Variants in ADGRE5 observed in about 807,000 individuals in gnomAD.
ADGRE5 encodes the protein adhesion G protein-coupled receptor E5.
A neutral mutation model predicts 100.3 loss-of-function variants in ADGRE5; 72 were observed. The observed-to-expected ratio is 0.72, with a 90% CI of 0.59 to 0.87. The LOEUF (loss-of-function observed/expected upper bound fraction) is 0.87, where lower values mean the gene tolerates loss of function less well. Ranked by LOEUF, ADGRE5 falls within the 40% of genes least tolerant of loss-of-function variation. The pLI is 0.00. For synonymous variants in ADGRE5, 439 were observed against 447.8 expected (o/e 0.98, Z 0.25); for missense variants, 959 against 1,094.7 (o/e 0.88, Z 1.75).
intron 3 of ADGRE5, 73 bp from the exon 4 acceptor site, chr19:14,390,851 G>A (rs1975575699): frequency 2.6e-6 from 4 of 1,562,898 alleles, no homozygotes; most frequent in Non-Finnish European, 2.6e-6. Flanking sequence ...ATGTTGGGGA[G>A]TCAGGATGGG....
chr19:14,405,496 C>A, intron 13 of ADGRE5: 2 of 474,936 alleles, frequency 4.2e-6, no homozygotes. Context: ...TTAAGCTGGG[C>A]CTTGTCGAAA....
chr19:14,391,152 CCAGAGAG>C, intron 4 of ADGRE5, 73 bp downstream of exon 4: 1 of 1,595,422 alleles, frequency 6.3e-7, no homozygotes, highest in Non-Finnish European at 8.6e-7. Context: ...CTGGCAGCAT[CCAGAGAG>C]CAGGGCCTTG....
Position 14,408,399 on chromosome 19 carries a change from A to G in ADGRE5, c.*278A>G. ...GGCTGGCCCAGGGCTGCAATGCAGC[A>G]TGTTGCCCTGGCACCTGTGGCCAGT... On this transcript the variant is annotated 3_prime_UTR_variant, in exon 20 of 20. Coordinates refer to ENST00000242786, the MANE Select transcript of ADGRE5 (RefSeq NM_078481.4). The G allele has an allele frequency of 1.7e-6, 1 of 596,610 alleles. No homozygotes were observed. Among genetic ancestry groups the G allele is most frequent in the South Asian group, 2.0e-5 (1 of 50,784 alleles). 37.0% of individuals were successfully genotyped at this position (596,610 alleles called of 1,614,324 possible). A position where few individuals can be genotyped will look rare whatever the true frequency, so the allele number is the denominator to read the frequency against.
intron 18 of ADGRE5, 82 bp from the exon 19 acceptor site, chr19:14,407,826 T>G: frequency 8.6e-7 from 1 of 1,166,604 alleles, no homozygotes; most frequent in Non-Finnish European, 1.3e-6. Context: ...ACCAAGAAGG[T>G]GGGGCTGAGG....
At chr19:14,396,740 T>A (rs942262752) in intron 5 of ADGRE5, among the ~76,000 whole-genome samples, 1 of 152,166 alleles carries the variant, frequency 6.6e-6, no homozygotes, top group Non-Finnish European at 1.5e-5. Context: ...GAAGAAGGTG[T>A]CACTTCCAGT....
rs971847318 is a variant in ADGRE5 at position 14,388,776 on chromosome 19, TC to T, written c.149del (p.Ser50PhefsTer112). ...CTGTCGCTGCAATCCAGGGTTCAGC[TC>T]TTTTTCTGAGATCATCACCACCCCG... ...TACRCNPGFS[S>X]FSEIITTPTE... is the part of the protein sequence containing the mutation. On this transcript the variant is annotated frameshift_variant, in exon 3 of 20. Transcript: ENST00000242786. LOFTEE classifies it high-confidence loss of function. 6.2e-7 allele frequency: 1 copy of T among 1,613,780 alleles called. No homozygotes were observed. Among genetic ancestry groups the T allele is most frequent in the Non-Finnish European group, 8.5e-7 (1 of 1,180,004 alleles).
chr19:14,400,979 C>G (rs1975985003), intron 9 of ADGRE5, among the ~76,000 whole-genome samples: 1 of 151,934 alleles, frequency 6.6e-6, no homozygotes, highest in Admixed American at 6.6e-5. Flanking sequence ...CAAAAATTAG[C>G]CGGGTGTGGT....
At chr19:14,382,608 A>G (rs1486397701) in intron 1 of ADGRE5, among the ~76,000 whole-genome samples, 1 of 152,136 alleles carries the variant, frequency 6.6e-6, no homozygotes, top group Non-Finnish European at 1.5e-5. Flanking sequence ...CACACCTGCA[A>G]TCCCAGCACT....
chr19:14,404,732 T>C (rs1432490199), intron 13 of ADGRE5, 170 bp downstream of exon 13: 2 of 611,094 alleles, frequency 3.3e-6, no homozygotes, highest in South Asian at 2.1e-5. Context: ...CTTTGGCCTC[T>C]TCTCTACAAC....
At position 14,405,786 on chromosome 19, in the gene ADGRE5, G is replaced by A. The variant is rs756633431; in HGVS notation, c.1668G>A (p.Ala556=). The change falls in exon 14 of 20, where the codon GCG becomes GCA. Residue 556 remains alanine, a synonymous_variant. Transcript: ENST00000242786. ...CCCTGATCACCAGGGTGGGACTGGC[G>A]CTGTCACTCTTCTGCCTGCTGCTGT... ...KLTLITRVGL[A]LSLFCLLLCI... is the part of the protein sequence containing the mutation. 3.1e-6 allele frequency: 5 copies of A among 1,613,774 alleles called. No individual in the cohort carries two copies. The highest frequency in any genetic ancestry group is 4.5e-5 in the East Asian group (2 of 44,876).
chr19:14,406,005 C>A lies in ADGRE5; in HGVS notation c.1821+66C>A. The A allele has an allele frequency of 7.1e-7, 1 of 1,403,364 alleles. No homozygotes were observed. The allele number at this position is 1,403,364 out of a possible 1,614,324, so 86.9% of individuals were successfully genotyped here. A position where few individuals can be genotyped will look rare whatever the true frequency, so the allele number is the denominator to read the frequency against. ...GGAGGCCTGGGAGGGGTTAGCCCCG[C>A]CCACTCCCGGGGCTCAGTCGGGTAG... On this transcript the variant is annotated intron_variant, in intron 14 of 19. Coordinates refer to ENST00000242786, the MANE Select transcript of ADGRE5 (RefSeq NM_078481.4). The surrounding 1 kb of genome is among the most constrained non-coding windows in gnomAD (Gnocchi z 6.0).
At chr19:14,385,080 A>G (rs1599608252) in intron 1 of ADGRE5, among the ~76,000 whole-genome samples, 1 of 126,168 alleles carries the variant, frequency 7.9e-6, no homozygotes, top group African/African-American at 3.1e-5. Context: ...GCGGGATCTC[A>G]GCTCACTGCA....
intron 8 of ADGRE5, 54 bp downstream of exon 8, chr19:14,397,989 C>T: frequency 6.6e-7 from 1 of 1,505,516 alleles, no homozygotes; most frequent in Admixed American, 1.7e-5. Flanking sequence ...CACAGCACTG[C>T]ATCCGTCTCC....
At chr19:14,399,433 G>A (rs538740646) in intron 9 of ADGRE5, among the ~76,000 whole-genome samples, 29 of 150,890 alleles carry the variant, frequency 1.9e-4, no homozygotes, top group African/African-American at 5.1e-4. Flanking sequence ...GCGTAGTGGC[G>A]GGCGCCTGTA....
At chr19:14,397,970 CTCCA>C in intron 8 of ADGRE5, 35 bp downstream of exon 8, 13 of 1,468,676 alleles carry the variant, frequency 8.9e-6, no homozygotes, top group Non-Finnish European at 1.2e-5. Context: ...GCGGCGGGAA[CTCCA>C]TCCACACAGC....
chr19:14,390,921 C>T lies in ADGRE5; in HGVS notation c.191-3C>T, dbSNP rs373633503. The T allele has an allele frequency of 1.2e-6, 2 of 1,613,918 alleles. No individual in the cohort carries two copies. Among genetic ancestry groups the T allele is most frequent in the Non-Finnish European group, 8.5e-7 (1 of 1,179,946 alleles). ...GGTGACTCCCTGTCCTGTTGTGTTC[C>T]AGACATCAACGAGTGTGCAACACCG... On this transcript the variant is annotated splice_polypyrimidine_tract_variant and splice_region_variant and intron_variant, in intron 3 of 19. Transcript: ENST00000242786.
rs573216251 is a variant in ADGRE5 at position 14,408,126 on chromosome 19, G to A, written c.*5G>A. Reference sequence around the variant, plus strand: ...GCATCAGAGTCCGGCATATGAAGGCGCATGGTTCTGGACGGCCCAGCAGCT... The same window carrying A: ...GCATCAGAGTCCGGCATATGAAGGCACATGGTTCTGGACGGCCCAGCAGCT... On this transcript the variant is annotated 3_prime_UTR_variant, in exon 20 of 20. Coordinates refer to ENST00000242786, the MANE Select transcript of ADGRE5 (RefSeq NM_078481.4). The A allele has an allele frequency of 8.5e-5, 137 of 1,612,672 alleles. No individual in the cohort carries two copies. Among genetic ancestry groups the A allele is most frequent in the Non-Finnish European group, 1.1e-4 (124 of 1,179,896 alleles).
chr19:14,406,527 T>C lies in ADGRE5; in HGVS notation c.2018T>C (p.Ile673Thr), dbSNP rs201730859. 4.4e-6 allele frequency: 7 copies of C among 1,574,940 alleles called. No homozygotes were observed. The highest frequency in any genetic ancestry group is 3.8e-5 in the Admixed American group (2 of 53,074). ...PLLIVGVSAA[I>T]YSKGYGRPRY... ...CTCATCGTGGGCGTCTCGGCTGCCA[T>C]CTACAGCAAGGGCTACGGCCGCCCC... The change falls in exon 15 of 20, where the codon ATC (isoleucine) becomes ACC (threonine). Residue 673 changes from isoleucine to threonine, a missense_variant. Ile to Thr is a moderately conservative substitution (Grantham distance 89, BLOSUM62 -1). Around this residue, in one of 6 missense-constraint regions of ADGRE5, gnomAD observed 428 missense variants for 386.2 expected, o/e 1.11. Coordinates refer to ENST00000242786, the MANE Select transcript of ADGRE5 (RefSeq NM_078481.4). This position sits in a 1 kb window ranked among gnomAD's most constrained non-coding sequence, Gnocchi z 6.0.
chr19:14,397,341 C>G, intron 6 of ADGRE5, 118 bp downstream of exon 6: 1 of 1,519,874 alleles, frequency 6.6e-7, no homozygotes, highest in East Asian at 2.3e-5. Flanking sequence ...GCCAGGCGTT[C>G]GTTCATTCTT....
Sources: gnomAD v4.1 joint callset for allele counts (sites outside exome capture counted in the v4.1 genomes callset) on GRCh38, gnomAD v4.1.1 for gene constraint, gnomAD v4.1.1 regional missense constraint, Gnocchi (gnomAD v3.1) non-coding constraint, MANE v1.5 for transcripts, NCBI Gene and HGNC (gene_info 2026-07-23, HGNC 2026-07-21) for gene names.